The following ATP13A4 variants were observed in gnomAD, a reference collection of about 807,000 sequenced individuals.
The protein encoded by ATP13A4 is ATPase 13A4.
A neutral mutation model predicts 142.5 loss-of-function variants in ATP13A4; 114 were observed. That is an observed-to-expected ratio of 0.80 (90% CI 0.69 to 0.93). The LOEUF (loss-of-function observed/expected upper bound fraction) is 0.93, where lower values mean the gene tolerates loss of function less well. Among genes scored for constraint, ATP13A4 ranks in the 40% least tolerant of loss-of-function variants. The pLI is 0.00. For missense variants in ATP13A4, 1,392 were observed against 1,454.0 expected (o/e 0.96, Z 0.69); for synonymous variants, 488 against 514.8 (o/e 0.95, Z 0.70).
chr3:193,524,337 T>C (rs1439853205), intron 1 of ATP13A4, among the ~76,000 whole-genome samples: 3 of 152,168 alleles, frequency 2.0e-5, no homozygotes, highest in Non-Finnish European at 4.4e-5. Context: ...CCCTTAAACC[T>C]GTGGAGACTG....
intron 3 of ATP13A4, among the ~76,000 whole-genome samples, chr3:193,500,942 G>GGGTATTACTT (rs548031391): frequency 1.1e-3 from 171 of 152,234 alleles, no homozygotes; most frequent in African/African-American, 3.9e-3. Flanking sequence ...GGCAAAGAAG[G>GGGTATTACTT]GGTATTACTT....
chr3:193,500,483 G>GA (rs1720481618), intron 3 of ATP13A4, among the ~76,000 whole-genome samples: 1 of 152,088 alleles, frequency 6.6e-6, no homozygotes, highest in Non-Finnish European at 1.5e-5. Context: ...ATTTTTTCAC[G>GA]AATCTTGGGG....
Position 193,402,670 on chromosome 3 carries a change from G to A in ATP13A4, c.3573C>T (p.Ser1191=), listed in dbSNP as rs9863164. 4,745 of 1,004,968 alleles carry A rather than the reference G, an allele frequency of 4.7e-3. 131 individuals carry two copies. In the African/African-American group the frequency reaches 0.068, roughly 14 times the overall value. The allele number at this position is 1,004,968 out of a possible 1,614,324, so 62.3% of individuals were successfully genotyped here. ...ATGTCCTTCAGAGTTGTTCTTCATT[G>A]CTCTCAAATACTGGATTGCTGTAAG... ...GVSYSNPVFE[S]NEEQL is the part of the protein sequence containing the mutation. Residue 1191 remains serine, a synonymous_variant, in exon 30 of 30, where the codon AGC becomes AGT. Transcript: ENST00000342695.
At chr3:193,561,220 T>C (rs1724010402) in intron 2 of ATP13A4, among the ~76,000 whole-genome samples, 1 of 152,350 alleles carries the variant, frequency 6.6e-6, no homozygotes, top group South Asian at 2.1e-4. Context: ...GGCTGGGTGC[T>C]GAGCTGCAGA....
At chr3:193,502,451 T>G in intron 3 of ATP13A4, 42 bp downstream of exon 3, 1 of 1,601,822 alleles carries the variant, frequency 6.2e-7, no homozygotes, top group Non-Finnish European at 8.6e-7. Context: ...GGGAAAAAGA[T>G]TAAATCTCTC....
chr3:193,588,512 A>C (rs191717694), intron 1 of ATP13A4, among the ~76,000 whole-genome samples: 1 of 152,272 alleles, frequency 6.6e-6, no homozygotes, highest in East Asian at 1.9e-4. Context: ...AATACTCCGA[A>C]GTATCCTTTC....
intron 2 of ATP13A4, among the ~76,000 whole-genome samples, chr3:193,560,527 G>C (rs1577081542): frequency 6.6e-6 from 1 of 152,204 alleles, no homozygotes; most frequent in East Asian, 1.9e-4. Flanking sequence ...TTTTTGTAAA[G>C]GGATTAGAAT....
chr3:193,524,372 C>A (rs1721889225), intron 1 of ATP13A4, among the ~76,000 whole-genome samples: 1 of 152,090 alleles, frequency 6.6e-6, no homozygotes, highest in South Asian at 2.1e-4. Context: ...TAGTTAATGT[C>A]AGATTGAATT....
rs1469830368 is a variant in ATP13A4, at chr3:193,400,252, G to C, written c.*2400C>G. On this transcript the variant is annotated 3_prime_UTR_variant, in exon 30 of 30. Coordinates refer to ENST00000342695, the MANE Select transcript of ATP13A4 (RefSeq NM_032279.4). ...AGATGTAGTTAATCCCAGGAATACA[G>C]TCTTCAAAATGAGTCTCTTTTCCCA... Among the ~76,000 whole-genome samples, 4 of 152,204 alleles carry C rather than the reference G, an allele frequency of 2.6e-5. No individual in the cohort carries two copies. The East Asian group carries it at 7.7e-4, about 29-fold the overall frequency.
At chr3:193,428,133 T>C (rs1192178863) in intron 25 of ATP13A4, among the ~76,000 whole-genome samples, 4 of 152,088 alleles carry the variant, frequency 2.6e-5, no homozygotes, top group African/African-American at 9.6e-5. Context: ...GGGCAAAGGA[T>C]ATGAACAGAC....
At chr3:193,484,699 C>T (rs755939456) in intron 7 of ATP13A4, among the ~76,000 whole-genome samples, 1 of 152,100 alleles carries the variant, frequency 6.6e-6, no homozygotes, top group Non-Finnish European at 1.5e-5. Flanking sequence ...TTTTGAGTAA[C>T]TCATTCTTTT....
chr3:193,462,135 T>A (rs112095984), intron 13 of ATP13A4, among the ~76,000 whole-genome samples: 29,088 of 150,196 alleles, frequency 0.19, 2,945 homozygotes, highest in South Asian at 0.34. Flanking sequence ...GGCAGGAGAA[T>A]CGCTTGAACC....
intron 1 of ATP13A4, among the ~76,000 whole-genome samples, chr3:193,524,991 G>A (rs531410945): frequency 1.3e-5 from 2 of 152,202 alleles, no homozygotes; most frequent in South Asian, 4.2e-4. Context: ...TTTCTGGTTT[G>A]TTTATGTTTT....
intron 1 of ATP13A4, among the ~76,000 whole-genome samples, chr3:193,587,310 T>C (rs954069156): frequency 2.0e-5 from 3 of 152,252 alleles, no homozygotes; most frequent in Non-Finnish European, 4.4e-5. Context: ...CTTGTTTGCT[T>C]ATTCCATCTT....
At chr3:193,501,203 T>C (rs1033018311) in intron 3 of ATP13A4, among the ~76,000 whole-genome samples, 16 of 152,224 alleles carry the variant, frequency 1.1e-4, no homozygotes, top group African/African-American at 3.9e-4. Context: ...GGGAAGCTTA[T>C]TTCTCCAGGT....
intron 28 of ATP13A4, among the ~76,000 whole-genome samples, chr3:193,409,070 G>A (rs6444721): frequency 6.6e-6 from 1 of 151,984 alleles, no homozygotes; most frequent in African/African-American, 2.4e-5. Context: ...AACTGGTAAC[G>A]GGGAATCTAA....
upstream of ATP13A4, chr3:193,555,171 A>T (rs1723837047): frequency 2.8e-6 from 1 of 363,042 alleles, no homozygotes; most frequent in African/African-American, 2.1e-5. Flanking sequence ...CCAACAGGAC[A>T]ATACAGAGTT....
rs1443457340 is a variant in ATP13A4, at chr3:193,514,901, T to A, written c.61-30A>T. 10 of 1,606,784 alleles carry A rather than the reference T, an allele frequency of 6.2e-6. 1 individual carries two copies. The South Asian group carries it at 9.9e-5, about 16-fold the overall frequency. On this transcript the variant is annotated intron_variant, in intron 1 of 29. Transcript: ENST00000342695. ...GACAGAATCAAAATGATACCAAATA[T>A]TGGTTAAGCACAATAAACAATAAAT...
intron 29 of ATP13A4, among the ~76,000 whole-genome samples, chr3:193,404,676 G>A (rs1483331910): frequency 2.0e-5 from 3 of 152,040 alleles, no homozygotes; most frequent in Non-Finnish European, 2.9e-5. Context: ...TTTGCTTTCC[G>A]CCATGATTGA....
Sources: allele counts gnomAD v4.1 joint callset (sites outside exome capture counted in the v4.1 genomes callset), GRCh38; gene constraint gnomAD v4.1.1; transcripts MANE v1.5; gene names NCBI Gene and HGNC (gene_info 2026-07-23, HGNC 2026-07-21).